The following ZDHHC20 variants were observed in gnomAD, a reference collection of about 807,000 sequenced individuals.
ZDHHC20 encodes zDHHC palmitoyltransferase 20, also known as palmitoyltransferase ZDHHC20.
ZDHHC20 carries 43 observed loss-of-function variants against 57.8 expected under a neutral mutation model. The ratio of observed to expected loss-of-function variants is 0.74; its 90% CI spans 0.58 to 0.96. The LOEUF is 0.96. Ranked by LOEUF, ZDHHC20 falls within the 40% of genes least tolerant of loss-of-function variation. ZDHHC20 has a pLI of 0.00. For missense variants in ZDHHC20, 391 were observed against 441.1 expected, an observed-to-expected ratio of 0.89 and a Z score of 1.02; for synonymous variants, 157 against 153.0, an observed-to-expected ratio of 1.03 and a Z score of -0.19.
At chr13:21,455,995 G>C (rs1273231421) in intron 1 of ZDHHC20, among the ~76,000 whole-genome samples, 1 of 151,822 alleles carries the variant, frequency 6.6e-6, no homozygotes, top group Non-Finnish European at 1.5e-5. Flanking sequence ...CTATAACCGT[G>C]GACAAATTAC....
At chr13:21,433,959 G>A (rs562361575) in intron 1 of ZDHHC20, among the ~76,000 whole-genome samples, 78 of 152,190 alleles carry the variant, frequency 5.1e-4, no homozygotes, top group African/African-American at 1.8e-3. Context: ...ATATGTTTTA[G>A]TTTTTTTATT....
At chr13:21,458,979 T>G in intron 1 of ZDHHC20, 75 bp downstream of exon 1, 5 of 1,107,248 alleles carry the variant, frequency 4.5e-6, no homozygotes, top group South Asian at 1.7e-5. Flanking sequence ...AGGCGGCGGG[T>G]GTGGGGCGCA....
intron 1 of ZDHHC20, among the ~76,000 whole-genome samples, chr13:21,455,744 C>T (rs1329524792): frequency 6.6e-6 from 1 of 151,830 alleles, no homozygotes; most frequent in African/African-American, 2.4e-5. Flanking sequence ...ACAATTTGTT[C>T]AACTTACAGC....
intron 1 of ZDHHC20, among the ~76,000 whole-genome samples, chr13:21,448,335 C>G (rs1461590188): frequency 9.7e-6 from 1 of 102,838 alleles, no homozygotes; most frequent in African/African-American, 3.3e-5. Context: ...GTCAGCCCCC[C>G]GCCCGGCCAG....
rs1871463932 is a variant in ZDHHC20, at chr13:21,373,068, T to C, written c.*3628A>G. Reference sequence around the variant, plus strand: ...ATATGAAACATATGGATTTCAGACATGTATTATCTGTTTCTAACAGATTAT... The same window carrying C: ...ATATGAAACATATGGATTTCAGACACGTATTATCTGTTTCTAACAGATTAT... On this transcript the variant is annotated 3_prime_UTR_variant, in exon 13 of 13. Transcript: ENST00000400590. 6.6e-6 allele frequency: 1 copy of C among 152,222 alleles called. No individual in the cohort carries two copies. Among genetic ancestry groups the C allele is most frequent in the African/African-American group, 2.4e-5 (1 of 41,474 alleles). The allele number at this position is 152,222 out of a possible 1,614,324, so 9.4% of individuals were successfully genotyped here.
At chr13:21,425,749 A>C in intron 1 of ZDHHC20, 71 bp from the exon 2 acceptor site, 1 of 916,124 alleles carries the variant, frequency 1.1e-6, no homozygotes, top group Non-Finnish European at 1.5e-6. Context: ...TTTCAGGTTG[A>C]ATATTCATCT....
At chr13:21,436,876 G>A (rs146030406) in intron 1 of ZDHHC20, among the ~76,000 whole-genome samples, 1 of 152,326 alleles carries the variant, frequency 6.6e-6, no homozygotes, top group Non-Finnish European at 1.5e-5. Flanking sequence ...AGTTGTGAAT[G>A]CCAAGGAAAA....
At chr13:21,382,850 T>G (rs1023769325) in intron 10 of ZDHHC20, 70 bp downstream of exon 10, 1 of 1,240,046 alleles carries the variant, frequency 8.1e-7, no homozygotes, top group Non-Finnish European at 1.2e-6. Context: ...ACTCATAAGA[T>G]GTACACACAA....
At chr13:21,412,047 A>G (rs1028922341) in intron 4 of ZDHHC20, among the ~76,000 whole-genome samples, 6 of 152,226 alleles carry the variant, frequency 3.9e-5, no homozygotes, top group African/African-American at 1.4e-4. Context: ...AAGGTGAATG[A>G]TGAAGTCTTG....
At chr13:21,381,761 C>T (rs1414344327) in intron 10 of ZDHHC20, 1 of 586,982 alleles carries the variant, frequency 1.7e-6, no homozygotes, top group Non-Finnish European at 3.0e-6. Context: ...TGTATTCCAA[C>T]ACTGCCAATG....
chr13:21,443,226 G>A (rs1883352863), intron 1 of ZDHHC20, among the ~76,000 whole-genome samples: 1 of 151,892 alleles, frequency 6.6e-6, no homozygotes, highest in South Asian at 2.1e-4. Flanking sequence ...CCCTAGGAGT[G>A]GTGTTTTTTT....
chr13:21,419,305 T>C lies in ZDHHC20; in HGVS notation c.249+1756A>G, dbSNP rs1293852267. 2.0e-5 allele frequency among the ~76,000 whole-genome samples: 3 copies of C among 152,242 alleles called. No homozygotes were observed. In the East Asian group the frequency reaches 5.8e-4, roughly 29 times the overall value. ...CTAATAGAAAAAGCAGGCAAAAGAC[T>C]ATACAGCATTACTTGCTAATGTTAA... On this transcript the variant is annotated intron_variant, in intron 3 of 12. Coordinates refer to ENST00000400590, the MANE Select transcript of ZDHHC20 (RefSeq NM_001330059.2).
intron 4 of ZDHHC20, chr13:21,404,280 TAA>T: frequency 2.0e-6 from 1 of 490,672 alleles, no homozygotes; most frequent in Non-Finnish European, 4.1e-6. Flanking sequence ...CAGCCTTTTC[TAA>T]AGCCGACTTC....
At chr13:21,428,576 T>C (rs1881555753) in intron 1 of ZDHHC20, among the ~76,000 whole-genome samples, 1 of 151,854 alleles carries the variant, frequency 6.6e-6, no homozygotes, top group African/African-American at 2.4e-5. Context: ...TAAAAACTAT[T>C]AGGACTGGGC....
intron 1 of ZDHHC20, among the ~76,000 whole-genome samples, chr13:21,457,315 G>A (rs1885006180): frequency 1.3e-5 from 2 of 152,030 alleles, no homozygotes; most frequent in Admixed American, 1.3e-4. Flanking sequence ...ATTAAAATAC[G>A]GTAGGAATAA....
At chr13:21,387,752 A>T in intron 8 of ZDHHC20, 118 bp from the exon 9 acceptor site, 2 of 515,014 alleles carry the variant, frequency 3.9e-6, no homozygotes, top group Non-Finnish European at 6.1e-6. Context: ...TATAATTTAA[A>T]ATAAATAATA....
At chr13:21,441,549 C>CTTTTTT (rs397851910) in intron 1 of ZDHHC20, among the ~76,000 whole-genome samples, 1 of 65,342 alleles carries the variant, frequency 1.5e-5, no homozygotes, top group African/African-American at 6.8e-5. Flanking sequence ...CCACGCCCGG[C>CTTTTTT]TTTTTTTTTT....
intron 10 of ZDHHC20, among the ~76,000 whole-genome samples, 180 bp downstream of exon 10, chr13:21,382,740 T>A (rs1593172902): frequency 6.6e-6 from 1 of 152,306 alleles, no homozygotes; most frequent in East Asian, 1.9e-4. Context: ...TAATAAAAAA[T>A]TATGGTTATT....
Position 21,375,358 on chromosome 13 carries a change from T to C in ZDHHC20, c.*1338A>G, listed in dbSNP as rs2137591555. On this transcript the variant is annotated 3_prime_UTR_variant, in exon 13 of 13. Transcript: ENST00000400590. ...AATTATTTTGGGGGGGGTGTGTGTG[T>C]GTGTGTGTCTGTCTGTCTAAAAGGT... 3 of 357,066 alleles carry C rather than the reference T, an allele frequency of 8.4e-6. No individual in the cohort carries two copies. The highest frequency in any genetic ancestry group is 2.1e-5 in the South Asian group (1 of 47,442). 22.1% of individuals were successfully genotyped at this position (357,066 alleles called of 1,614,324 possible).
Sources: gnomAD v4.1 joint callset for allele counts (sites outside exome capture counted in the v4.1 genomes callset) on GRCh38, gnomAD v4.1.1 for gene constraint, MANE v1.5 for transcripts, NCBI Gene and HGNC (gene_info 2026-07-23, HGNC 2026-07-21) for gene names.